Variants in NME5 observed in about 807,000 individuals in gnomAD.
NME5 encodes nucleoside diphosphate kinase 5.
A neutral mutation model predicts 21.6 loss-of-function variants in NME5; 18 were observed. The ratio of observed to expected loss-of-function variants is 0.83; its 90% CI spans 0.58 to 1.24. The LOEUF is 1.24. NME5 is among the 50% of genes most tolerant of loss of function. NME5 has a pLI of 0.00. For synonymous variants in NME5, 70 were observed against 80.6 expected (o/e 0.87, Z 0.71); for missense variants, 223 against 255.4 (o/e 0.87, Z 0.86).
At chr5:138,119,265 G>A (rs1261822510) in intron 4 of NME5, among the ~76,000 whole-genome samples, 1 of 152,002 alleles carries the variant, frequency 6.6e-6, no homozygotes, top group Non-Finnish European at 1.5e-5. Context: ...GAATGCAGTG[G>A]CACAATCTCA....
At chr5:138,119,995 G>A (rs1488190818) in intron 4 of NME5, among the ~76,000 whole-genome samples, 1 of 150,722 alleles carries the variant, frequency 6.6e-6, no homozygotes, top group East Asian at 2.0e-4. Context: ...GGAGTGTGGT[G>A]GTGTGAGCAC....
chr5:138,115,788 T>C lies in NME5; in HGVS notation c.556-24A>G, dbSNP rs754635446. On this transcript the variant is annotated intron_variant, in intron 5 of 5. Transcript: ENST00000265191. ...ATCTATGGGAAAAAAAAAAACAACC[T>C]AAGTTAAGAAACAGTTACATATTTC... 7 of 1,485,064 alleles carry C rather than the reference T, an allele frequency of 4.7e-6. No individual in the cohort carries two copies. In the Middle Eastern group the frequency reaches 1.1e-3, roughly 224 times the overall value. 92.0% of individuals were successfully genotyped at this position (1,485,064 alleles called of 1,614,324 possible).
intron 4 of NME5, among the ~76,000 whole-genome samples, chr5:138,120,893 T>C (rs943571754): frequency 5.9e-5 from 9 of 152,166 alleles, no homozygotes; most frequent in African/African-American, 1.9e-4. Context: ...AAAACACATT[T>C]AATACACCTA....
chr5:138,129,190 G>A (rs1174402763), intron 3 of NME5, 73 bp downstream of exon 3: 6 of 1,263,746 alleles, frequency 4.7e-6, no homozygotes, highest in South Asian at 1.3e-5. Context: ...CCATTACAAT[G>A]AAATCAGATT....
intron 4 of NME5, among the ~76,000 whole-genome samples, chr5:138,122,301 G>A (rs1273178121): frequency 4.6e-5 from 7 of 151,692 alleles, no homozygotes; most frequent in South Asian, 2.1e-4. Context: ...TTAGCTGGGC[G>A]TGGTGGTGGG....
chr5:138,115,464 C>A lies in NME5; in HGVS notation c.*217G>T. The A allele has an allele frequency of 2.8e-6, 1 of 354,396 alleles. No homozygotes were observed. The allele number at this position is 354,396 out of a possible 1,614,324, so 22.0% of individuals were successfully genotyped here. On this transcript the variant is annotated 3_prime_UTR_variant, in exon 6 of 6. Transcript: ENST00000265191. Reference sequence around the variant, plus strand: ...ACATCTTACATGAGTTTTCCATTACCTAGTGTTACATCATTGTTAAAATCA... The same window carrying A: ...ACATCTTACATGAGTTTTCCATTACATAGTGTTACATCATTGTTAAAATCA...
chr5:138,117,695 AAGAT>A, intron 5 of NME5, among the ~76,000 whole-genome samples: 1 of 152,084 alleles, frequency 6.6e-6, no homozygotes, highest in Non-Finnish European at 1.5e-5. Flanking sequence ...AAAAAAAAGA[AAGAT>A]AGGTCGGGCG....
intron 4 of NME5, among the ~76,000 whole-genome samples, chr5:138,125,833 T>A (rs1751404828): frequency 6.6e-6 from 1 of 152,166 alleles, no homozygotes; most frequent in Non-Finnish European, 1.5e-5. Flanking sequence ...AGGCTGGTCT[T>A]GAACTCCCAA....
At chr5:138,128,903 T>C (rs550684061) in intron 3 of NME5, among the ~76,000 whole-genome samples, 19 of 152,334 alleles carry the variant, frequency 1.2e-4, no homozygotes, top group African/African-American at 4.6e-4. Flanking sequence ...TTAGCAATAA[T>C]GCTGAAAATT....
At chr5:138,118,357 C>A (rs1045378289) in intron 5 of NME5, among the ~76,000 whole-genome samples, 5 of 151,930 alleles carry the variant, frequency 3.3e-5, no homozygotes, top group African/African-American at 9.7e-5. Flanking sequence ...GATCTCCTGA[C>A]CTAGTGATCC....
In NME5 at chr5:138,129,440, T is replaced by C. The variant is rs764503263; in HGVS notation, c.158A>G (p.Gln53Arg). 3 of 1,614,098 alleles carry C rather than the reference T, an allele frequency of 1.9e-6. No homozygotes were observed. Among genetic ancestry groups the C allele is most frequent in the Non-Finnish European group, 2.5e-6 (3 of 1,179,984 alleles). ...CTTTTCCACATAAAAGTTACTACAT[T>C]GCTCAGGGCTGAGGCGTAGTTTTCT... ...QRRKLRLSPE[Q>R]CSNFYVEKYG... The change falls in exon 3 of 6, where the codon CAA becomes CGA. Residue 53 changes from glutamine to arginine, a missense_variant. Transcript: ENST00000265191.
intron 4 of NME5, among the ~76,000 whole-genome samples, chr5:138,126,756 T>G (rs1382630871): frequency 6.6e-6 from 1 of 151,996 alleles, no homozygotes; most frequent in Non-Finnish European, 1.5e-5. Flanking sequence ...AAGACCAGCC[T>G]GGGCAACGTA....
intron 2 of NME5, among the ~76,000 whole-genome samples, chr5:138,133,161 C>T (rs1363421696): frequency 2.0e-5 from 3 of 150,888 alleles, no homozygotes; most frequent in Admixed American, 1.3e-4. Flanking sequence ...AGTGCAGTGG[C>T]GCGATCTCGG....
intron 2 of NME5, among the ~76,000 whole-genome samples, chr5:138,135,305 G>C (rs1406643364): frequency 2.1e-5 from 3 of 142,708 alleles, no homozygotes; most frequent in Admixed American, 6.9e-5. Context: ...GCGACACAGA[G>C]CGAGACTCCG....
chr5:138,136,082 C>T (rs1028701578), intron 2 of NME5, among the ~76,000 whole-genome samples: 2 of 152,200 alleles, frequency 1.3e-5, no homozygotes, highest in Admixed American at 6.5e-5. Context: ...CTCCCAATCT[C>T]CCAACCTGGG....
At chr5:138,129,551 A>T in intron 2 of NME5, 83 bp from the exon 3 acceptor site, 5 of 878,746 alleles carry the variant, frequency 5.7e-6, no homozygotes, top group South Asian at 1.5e-5. Flanking sequence ...ACTTGAAACT[A>T]GTACCAATCT....
chr5:138,118,010 AAC>A (rs1751200960), intron 5 of NME5, among the ~76,000 whole-genome samples: 4 of 152,188 alleles, frequency 2.6e-5, no homozygotes, highest in South Asian at 4.1e-4. Context: ...AAATAAATAA[AAC>A]ACAGCAAGAA....
chr5:138,126,114 T>C (rs955772175), intron 4 of NME5, among the ~76,000 whole-genome samples: 1 of 152,224 alleles, frequency 6.6e-6, no homozygotes, highest in Non-Finnish European at 1.5e-5. Flanking sequence ...AATGATTTTA[T>C]ATTTATCCTA....
At chr5:138,124,988 A>G (rs2151162246) in intron 4 of NME5, among the ~76,000 whole-genome samples, 1 of 152,308 alleles carries the variant, frequency 6.6e-6, no homozygotes, top group Admixed American at 6.5e-5. Flanking sequence ...CTCTGGTGCC[A>G]TCACAGCTCA....
Sources: allele counts gnomAD v4.1 joint callset (sites outside exome capture counted in the v4.1 genomes callset), GRCh38; gene constraint gnomAD v4.1.1; transcripts MANE v1.5; gene names NCBI Gene and HGNC (gene_info 2026-07-23, HGNC 2026-07-21).